SLCO4A1: variants seen among roughly 807,000 people sequenced by gnomAD.
SLCO4A1 encodes solute carrier organic anion transporter family member 4A1.
A neutral mutation model predicts 64.6 loss-of-function variants in SLCO4A1; 51 were observed. The ratio of observed to expected loss-of-function variants is 0.79; its 90% CI spans 0.63 to 1.00. The LOEUF (loss-of-function observed/expected upper bound fraction) is 1.00. Among genes scored for constraint, SLCO4A1 ranks in the 50% least tolerant of loss-of-function variants. The probability of loss-of-function intolerance (pLI) is 0.00; values close to 1 mark genes in which losing one functional copy is unlikely to be tolerated. For synonymous variants in SLCO4A1, 471 were observed against 444.9 expected (o/e 1.06, Z -0.74); for missense variants, 919 against 980.5 (o/e 0.94, Z 0.84).
chr20:62,645,378 G>A lies in SLCO4A1; in HGVS notation c.-97+2825G>A, dbSNP rs1172968722. Among the ~76,000 whole-genome samples the A allele has an allele frequency of 6.6e-6, 1 of 151,796 alleles. No individual in the cohort carries two copies. The highest frequency in any genetic ancestry group is 2.4e-5 in the African/African-American group (1 of 41,340). ...AGAGGAAGCAGACTGGGACTACAAA[G>A]AACAACCTGGTCCTGGGGACCCTGC... On this transcript the variant is annotated intron_variant, in intron 1 of 11. Coordinates refer to ENST00000217159, the MANE Select transcript of SLCO4A1 (RefSeq NM_016354.4). The surrounding 1 kb of genome is among the most constrained non-coding windows in gnomAD (Gnocchi z 4.2).
At chr20:62,687,889 G>T (rs1318868287), downstream of SLCO4A1, among the ~76,000 whole-genome samples, 1 of 152,120 alleles carries the variant, frequency 6.6e-6, no homozygotes, top group Non-Finnish European at 1.5e-5. Context: ...TGCAGGAAAA[G>T]GTACCCCAGG....
At chr20:62,668,831 C>A in intron 10 of SLCO4A1, 99 bp from the exon 11 acceptor site, 3 of 1,276,936 alleles carry the variant, frequency 2.3e-6, no homozygotes, top group South Asian at 1.4e-5. Flanking sequence ...GCCAGTATCA[C>A]CTTCCCAGAG....
intron 7 of SLCO4A1, 147 bp from the exon 8 acceptor site, chr20:62,667,598 G>C (rs1457208990): frequency 5.6e-6 from 5 of 897,624 alleles, no homozygotes; most frequent in Middle Eastern, 3.5e-4. Flanking sequence ...TGAGTGCCCA[G>C]CGTGCTGGGG....
At chr20:62,653,593 G>A (rs568321142) in intron 1 of SLCO4A1, among the ~76,000 whole-genome samples, 8 of 152,310 alleles carry the variant, frequency 5.3e-5, no homozygotes, top group South Asian at 4.1e-4. Flanking sequence ...CTGCGCCTCC[G>A]CTCCCACCCG....
intron 7 of SLCO4A1, among the ~76,000 whole-genome samples, chr20:62,666,959 G>A (rs1187993924): frequency 1.3e-5 from 2 of 152,226 alleles, no homozygotes; most frequent in African/African-American, 4.8e-5. Context: ...TGCTGGGAGT[G>A]GGAGGGACAC....
chr20:62,668,564 C>T (rs1436986909), intron 10 of SLCO4A1, 23 bp downstream of exon 10: 3 of 1,598,590 alleles, frequency 1.9e-6, no homozygotes, highest in East Asian at 2.2e-5. Context: ...GTGAGGAAGC[C>T]ATGGTCAGTT....
At chr20:62,689,491 T>G (rs917236339), downstream of SLCO4A1, among the ~76,000 whole-genome samples, 1 of 152,190 alleles carries the variant, frequency 6.6e-6, no homozygotes, top group Non-Finnish European at 1.5e-5. Context: ...CCTCCTCAGG[T>G]GCTGGCCCAT....
At chr20:62,687,483 C>A (rs16983165), downstream of SLCO4A1, among the ~76,000 whole-genome samples, 18,839 of 152,312 alleles carry the variant, frequency 0.12, 1,614 homozygotes, top group East Asian at 0.33. Flanking sequence ...TGCAGAGACA[C>A]GTCCTTCCAC....
chr20:62,666,146 C>CCCCTTCCCCTTCCCCTT (rs1986284851), intron 6 of SLCO4A1: 1 of 149,992 alleles, frequency 6.7e-6, no homozygotes, highest in Admixed American at 6.9e-5. Context: ...CCTTCCCCTT[C>CCCCTTCCCCTTCCCCTT]CCCTTCCCCT....
At chr20:62,677,909 C>T (rs984003272) in intron 2 of SLCO4A1, among the ~76,000 whole-genome samples, 1 of 152,278 alleles carries the variant, frequency 6.6e-6, no homozygotes, top group African/African-American at 2.4e-5. Flanking sequence ...CCCAGCTGGG[C>T]TCTCTGTCCC....
chr20:62,647,464 TTC>T (rs1248361149), intron 1 of SLCO4A1, among the ~76,000 whole-genome samples: 1 of 152,184 alleles, frequency 6.6e-6, no homozygotes, highest in African/African-American at 2.4e-5. Flanking sequence ...GGCCTCCAAA[TTC>T]TGAGTGGGGC....
chr20:62,652,259 C>A (rs913165175), intron 1 of SLCO4A1: 30 of 151,986 alleles, frequency 2.0e-4, no homozygotes, highest in African/African-American at 7.3e-4. Context: ...TGGACCTTGA[C>A]CTCCAGGCAG....
chr20:62,667,603 C>T (rs969951521), intron 7 of SLCO4A1, 142 bp from the exon 8 acceptor site: 3 of 950,260 alleles, frequency 3.2e-6, no homozygotes, highest in East Asian at 2.5e-5. Flanking sequence ...GCCCAGCGTG[C>T]TGGGGGCGGT....
downstream of SLCO4A1, among the ~76,000 whole-genome samples, chr20:62,686,418 G>A (rs1211287324): frequency 6.6e-6 from 1 of 152,152 alleles, no homozygotes; most frequent in Non-Finnish European, 1.5e-5. Context: ...TAAAGCTTCA[G>A]GATGAATGCA....
At chr20:62,662,462 G>C (rs1046138419) in intron 5 of SLCO4A1, among the ~76,000 whole-genome samples, 14 of 152,200 alleles carry the variant, frequency 9.2e-5, no homozygotes, top group African/African-American at 3.1e-4. Context: ...GGCTCTTTCA[G>C]TTCATCAGGT....
rs568855818 is a variant in SLCO4A1 at position 62,684,161 on chromosome 20, C to T, written n.212-1280C>T. On this transcript the variant is annotated intron_variant and non_coding_transcript_variant, in intron 2 of 2. Coordinates refer to the SLCO4A1 transcript ENST00000466818. ...TGACCACGCGCTTCCCACACACACT[C>T]ATCCCCCAACAGCAGTGGGAGGTCC... Among the ~76,000 whole-genome samples the T allele has an allele frequency of 5.1e-4, 78 of 152,368 alleles. 3 individuals carry two copies. In the South Asian group the frequency reaches 0.016, roughly 31 times the overall value.
intron 5 of SLCO4A1, among the ~76,000 whole-genome samples, chr20:62,662,337 A>G (rs569279898): frequency 2.2e-4 from 34 of 152,208 alleles, no homozygotes; most frequent in African/African-American, 8.2e-4. Context: ...AACATCGTGT[A>G]GGCACTGGCT....
At chr20:62,667,414 C>T (rs1986551038) in intron 7 of SLCO4A1, 3 of 278,976 alleles carry the variant, frequency 1.1e-5, no homozygotes, top group South Asian at 8.9e-5. Context: ...GTGTACTTGG[C>T]GCTTTTTCTT....
At chr20:62,683,236 A>C (rs1050513471) in intron 2 of SLCO4A1, among the ~76,000 whole-genome samples, 1 of 152,136 alleles carries the variant, frequency 6.6e-6, no homozygotes, top group African/African-American at 2.4e-5. Flanking sequence ...TTTAATTCAT[A>C]ACTTGATCAT....
Sources: allele counts gnomAD v4.1 joint callset (sites outside exome capture counted in the v4.1 genomes callset), GRCh38; gene constraint gnomAD v4.1.1; non-coding constraint Gnocchi (gnomAD v3.1); transcripts MANE v1.5; gene names NCBI Gene and HGNC (gene_info 2026-07-23, HGNC 2026-07-21).